Variants in NPAS3 observed in about 807,000 individuals in gnomAD.
NPAS3 encodes the protein neuronal PAS domain-containing protein 3.
In NPAS3, 14 loss-of-function variants were observed where a neutral mutation model predicts 73.1. The ratio of observed to expected loss-of-function variants is 0.19; its 90% CI spans 0.13 to 0.30. NPAS3 has a LOEUF of 0.30. NPAS3 is among the 10% of genes least tolerant of loss of function. NPAS3 has a pLI of 1.00. For synonymous variants in NPAS3, 620 were observed against 541.5 expected, an observed-to-expected ratio of 1.14 and a Z score of -2.01; for missense variants, 1,096 against 1,250.0, an observed-to-expected ratio of 0.88 and a Z score of 1.86.
chr14:32,972,665 T>A (rs1227137136), intron 1 of NPAS3, among the ~76,000 whole-genome samples: 1 of 152,220 alleles, frequency 6.6e-6, no homozygotes, highest in Non-Finnish European at 1.5e-5. Flanking sequence ...TTGCTTTGTC[T>A]GCTGTGGAAC....
At chr14:33,244,646 C>T (rs74359809) in intron 3 of NPAS3, among the ~76,000 whole-genome samples, 23 of 152,256 alleles carry the variant, frequency 1.5e-4, no homozygotes, top group African/African-American at 5.5e-4. Context: ...AAACATGAGG[C>T]TAAATGGCCT....
intron 4 of NPAS3, among the ~76,000 whole-genome samples, chr14:33,477,354 G>GAT (rs1314690809): frequency 6.6e-6 from 1 of 152,146 alleles, no homozygotes. Context: ...AAGAGGATAT[G>GAT]ATACAGGGAT....
At chr14:33,661,388 T>C (rs2059303916) in intron 5 of NPAS3, among the ~76,000 whole-genome samples, 1 of 152,194 alleles carries the variant, frequency 6.6e-6, no homozygotes, top group African/African-American at 2.4e-5. Context: ...TGCTAAGGGC[T>C]CTAACCCTGC....
At chr14:32,971,094 T>TC (rs1347528802) in intron 1 of NPAS3, among the ~76,000 whole-genome samples, 3 of 151,168 alleles carry the variant, frequency 2.0e-5, no homozygotes, top group Non-Finnish European at 3.0e-5. Flanking sequence ...TTTTCTTTTT[T>TC]TTTTTTTTGA....
chr14:33,649,253 G>C (rs932115172), intron 5 of NPAS3, among the ~76,000 whole-genome samples: 4 of 152,184 alleles, frequency 2.6e-5, no homozygotes, highest in Admixed American at 2.0e-4. Context: ...ACATGGGGCT[G>C]TTTAACTGAA....
chr14:33,426,478 C>T (rs940110863), intron 4 of NPAS3, among the ~76,000 whole-genome samples: 1 of 152,028 alleles, frequency 6.6e-6, no homozygotes, highest in Non-Finnish European at 1.5e-5. Context: ...GTGGACTGAG[C>T]TGCCTGGCTA....
downstream of NPAS3, chr14:33,801,282 A>G: frequency 3.0e-6 from 4 of 1,346,352 alleles, no homozygotes; most frequent in Non-Finnish European, 3.9e-6. Context: ...CTTTCGTGTA[A>G]AGATATGTTT....
At chr14:33,256,067 T>C (rs552130026) in intron 3 of NPAS3, among the ~76,000 whole-genome samples, 1 of 152,342 alleles carries the variant, frequency 6.6e-6, no homozygotes, top group African/African-American at 2.4e-5. Flanking sequence ...AACCAATAGA[T>C]TACCATGGTC....
intron 5 of NPAS3, among the ~76,000 whole-genome samples, chr14:33,598,706 T>C (rs1226274026): frequency 2.0e-5 from 3 of 152,198 alleles, no homozygotes; most frequent in Non-Finnish European, 4.4e-5. Context: ...TTGTGGCCGA[T>C]GGCTGCATTA....
At chr14:33,134,712 A>G (rs555771691) in intron 2 of NPAS3, among the ~76,000 whole-genome samples, 24 of 152,302 alleles carry the variant, frequency 1.6e-4, no homozygotes, top group African/African-American at 4.3e-4. Flanking sequence ...TTTGTTTTGA[A>G]TTAGAAGTTA....
chr14:33,048,821 C>T (rs1595325633), intron 1 of NPAS3, among the ~76,000 whole-genome samples: 1 of 152,186 alleles, frequency 6.6e-6, no homozygotes, highest in Non-Finnish European at 1.5e-5. Context: ...CTAACACTTA[C>T]TGGATGAAAG....
At chr14:33,706,666 C>T (rs920276311) in intron 6 of NPAS3, among the ~76,000 whole-genome samples, 2 of 152,140 alleles carry the variant, frequency 1.3e-5, no homozygotes, top group African/African-American at 4.8e-5. Context: ...TACTTTGAAA[C>T]TATGTGTGCC....
chr14:33,724,270 A>T (rs2061200833), intron 6 of NPAS3, among the ~76,000 whole-genome samples: 1 of 152,196 alleles, frequency 6.6e-6, no homozygotes, highest in Admixed American at 6.6e-5. Context: ...GAACATAAAT[A>T]TGTGATTCAT....
intron 1 of NPAS3, among the ~76,000 whole-genome samples, chr14:33,017,690 G>A (rs1208902102): frequency 1.3e-5 from 2 of 152,146 alleles, no homozygotes; most frequent in Non-Finnish European, 2.9e-5. Context: ...GTGACCGTGA[G>A]CAAATTACTG....
rs182758503 is a variant in NPAS3 at position 33,740,620 on chromosome 14, A to G, written c.852+5288A>G. On this transcript the variant is annotated intron_variant, in intron 7 of 11. Coordinates refer to ENST00000356141, the Ensembl canonical transcript of NPAS3. ...ACGATTGTACCGTGATCTGGCTCAC[A>G]TTTCTCCATTTTGCCTACAAGGATA... Among the ~76,000 whole-genome samples the G allele has an allele frequency of 2.0e-3, 308 of 152,320 alleles. 2 individuals are homozygous for G. Among genetic ancestry groups the G allele is most frequent in the African/African-American group, 7.0e-3 (291 of 41,572 alleles).
chr14:33,690,841 A>G (rs1052500582), intron 6 of NPAS3, among the ~76,000 whole-genome samples: 57 of 150,078 alleles, frequency 3.8e-4, no homozygotes, highest in African/African-American at 1.4e-3. Context: ...GTTCCATTAA[A>G]AAAGTCATTA....
intron 2 of NPAS3, among the ~76,000 whole-genome samples, chr14:33,091,578 C>T (rs1192100681): frequency 6.6e-6 from 1 of 152,102 alleles, no homozygotes. Flanking sequence ...GGAGCTGGTA[C>T]CATTCCTTCT....
intron 3 of NPAS3, among the ~76,000 whole-genome samples, chr14:33,223,771 T>A (rs1341498998): frequency 2.0e-5 from 3 of 152,164 alleles, no homozygotes; most frequent in Non-Finnish European, 4.4e-5. Flanking sequence ...TTTCCTTTTC[T>A]TTTACTTAAT....
In NPAS3 at chr14:33,788,275, G is replaced by A. The variant is rs974999766; in HGVS notation, c.1154-5622G>A. Among the ~76,000 whole-genome samples the A allele has an allele frequency of 2.6e-5, 4 of 152,314 alleles. No individual in the cohort carries two copies. In the South Asian group the frequency reaches 6.2e-4, roughly 24 times the overall value. On this transcript the variant is annotated intron_variant, in intron 9 of 11. Coordinates refer to ENST00000356141, the Ensembl canonical transcript of NPAS3. ...CTCTCCGTTCTCCGCGGCCACTGACGAAGGTACCTCCAGGAGGGGGTGAAT... is the reference window on the plus strand; with the variant it reads ...CTCTCCGTTCTCCGCGGCCACTGACAAAGGTACCTCCAGGAGGGGGTGAAT...
Sources: gnomAD v4.1 joint callset for allele counts (sites outside exome capture counted in the v4.1 genomes callset) on GRCh38, gnomAD v4.1.1 for gene constraint, MANE v1.5 for transcripts, NCBI Gene and HGNC (gene_info 2026-07-23, HGNC 2026-07-21) for gene names.